Variants in PCDHA13 observed in about 807,000 individuals in gnomAD.
PCDHA13 encodes protocadherin alpha 13, also known as protocadherin alpha-13.
Under a neutral mutation model 64.8 loss-of-function variants are expected in PCDHA13, and 54 were observed. That is an observed-to-expected ratio of 0.83 (90% CI 0.67 to 1.04). PCDHA13 has a LOEUF of 1.04. PCDHA13 is among the 50% of genes least tolerant of loss of function. The probability of loss-of-function intolerance (pLI) is 0.00; values close to 1 mark genes in which losing one functional copy is unlikely to be tolerated. For missense variants in PCDHA13, 1,248 were observed against 1,254.3 expected (o/e 0.99, Z 0.08); for synonymous variants, 587 against 564.4 (o/e 1.04, Z -0.57).
At chr5:140,909,235 A>G (rs1554193708) in intron 1 of PCDHA13, among the ~76,000 whole-genome samples, 1 of 152,182 alleles carries the variant, frequency 6.6e-6, no homozygotes, top group African/African-American at 2.4e-5. Flanking sequence ...TAGGATGGTA[A>G]AGATATATTG....
At chr5:140,939,894 T>A (rs1554213013) in intron 1 of PCDHA13, among the ~76,000 whole-genome samples, 1 of 152,220 alleles carries the variant, frequency 6.6e-6, no homozygotes, top group African/African-American at 2.4e-5. Flanking sequence ...TGTTCAAATA[T>A]TCTGCATTCT....
chr5:141,001,253 C>G (rs896546841), intron 3 of PCDHA13, among the ~76,000 whole-genome samples: 1 of 152,078 alleles, frequency 6.6e-6, no homozygotes, highest in East Asian at 1.9e-4. Context: ...CCCTATGGGG[C>G]GGGCACTCTT....
chr5:140,950,040 C>T (rs1053592525), intron 1 of PCDHA13, among the ~76,000 whole-genome samples: 4 of 151,718 alleles, frequency 2.6e-5, no homozygotes, highest in Non-Finnish European at 5.9e-5. Flanking sequence ...AAGTTACAAC[C>T]ATATAAGACT....
At position 140,926,851 on chromosome 5, in the gene PCDHA13, T is replaced by C. The variant is rs201136210; in HGVS notation, c.2394+42189T>C. 6.6e-6 allele frequency: 10 copies of C among 1,517,220 alleles called. No individual in the cohort carries two copies. In the Admixed American group the frequency reaches 6.6e-5, roughly 10 times the overall value. The allele number at this position is 1,517,220 out of a possible 1,614,324, so 94.0% of individuals were successfully genotyped here. ...TCCGGAGCATGGTCCTGGGTCACCGTTGGTGTAGCGTGTTGGTGGAACGTG... is the reference window on the plus strand; with the variant it reads ...TCCGGAGCATGGTCCTGGGTCACCGCTGGTGTAGCGTGTTGGTGGAACGTG... On this transcript the variant is annotated intron_variant, in intron 1 of 3. Coordinates refer to ENST00000289272, the MANE Select transcript of PCDHA13 (RefSeq NM_018904.3).
intron 1 of PCDHA13, among the ~76,000 whole-genome samples, chr5:140,975,429 C>T (rs1006180121): frequency 2.6e-5 from 4 of 152,208 alleles, no homozygotes; most frequent in African/African-American, 9.6e-5. Flanking sequence ...AGGGTGTGCA[C>T]ACCAGGATAT....
At chr5:140,958,098 G>A (rs1170347696) in intron 1 of PCDHA13, among the ~76,000 whole-genome samples, 4 of 152,088 alleles carry the variant, frequency 2.6e-5, no homozygotes, top group South Asian at 2.1e-4. Context: ...ACAATAGTGT[G>A]TAGAGTGTGG....
chr5:141,000,418 T>TAA (rs2097924814), intron 3 of PCDHA13, among the ~76,000 whole-genome samples: 1 of 83,682 alleles, frequency 1.2e-5, no homozygotes, highest in Non-Finnish European at 2.2e-5. Context: ...TATATATATA[T>TAA]ATATTTTTTT....
intron 3 of PCDHA13, among the ~76,000 whole-genome samples, chr5:140,993,715 G>A (rs954129865): frequency 2.0e-5 from 3 of 152,060 alleles, no homozygotes; most frequent in Non-Finnish European, 4.4e-5. Flanking sequence ...TATTTTTACT[G>A]TACCTTTTCT....
intron 1 of PCDHA13, chr5:140,927,689 G>A (rs781972370): frequency 5.6e-6 from 9 of 1,614,064 alleles, no homozygotes; most frequent in African/African-American, 2.7e-5. Flanking sequence ...GGGTCCAATG[G>A]GGAAGTCCAG....
rs1582624652 is a variant in PCDHA13 at position 140,882,537 on chromosome 5, T to C, written c.269T>C (p.Ile90Thr). ...QNGILFVNSR[I>T]DREELCGRSA... ...GGCATTTTGTTTGTGAATTCTCGGA[T>C]CGACCGCGAGGAGCTGTGTGGGCGG... The change falls in exon 1 of 4, where the codon ATC (isoleucine) becomes ACC (threonine). Residue 90 changes from isoleucine to threonine, a missense_variant. Physicochemically the swap from Ile to Thr is moderately conservative, Grantham distance 89. Coordinates refer to ENST00000289272, the MANE Select transcript of PCDHA13 (RefSeq NM_018904.3). 1 of 1,614,176 alleles carries C rather than the reference T, an allele frequency of 6.2e-7. No individual in the cohort carries two copies. The highest frequency in any genetic ancestry group is 2.2e-5 in the East Asian group (1 of 44,880).
chr5:140,923,468 G>A (rs2081380588), intron 1 of PCDHA13, among the ~76,000 whole-genome samples: 1 of 152,098 alleles, frequency 6.6e-6, no homozygotes, highest in Admixed American at 6.5e-5. Context: ...GGTAGGGGCT[G>A]CAGTGAGCCA....
At chr5:140,926,519 C>T (rs2083298131) in intron 1 of PCDHA13, 1 of 204,364 alleles carries the variant, frequency 4.9e-6, no homozygotes, top group Non-Finnish European at 9.7e-6. Flanking sequence ...AGGCTCCGCC[C>T]TGCGCCCGCA....
At chr5:140,994,197 G>A (rs1449482897) in intron 3 of PCDHA13, among the ~76,000 whole-genome samples, 1 of 152,196 alleles carries the variant, frequency 6.6e-6, no homozygotes. Context: ...GGGCCTGTTG[G>A]TCCAGAATGG....
chr5:140,991,445 A>G (rs1352709310), intron 3 of PCDHA13, among the ~76,000 whole-genome samples: 1 of 152,222 alleles, frequency 6.6e-6, no homozygotes, highest in African/African-American at 2.4e-5. Flanking sequence ...CATGGCTTAA[A>G]ACAACACAAT....
intron 1 of PCDHA13, among the ~76,000 whole-genome samples, chr5:140,914,392 AC>A (rs1554196309): frequency 6.6e-6 from 1 of 151,928 alleles, no homozygotes; most frequent in Non-Finnish European, 1.5e-5. Flanking sequence ...AAGTGTAGTT[AC>A]CCCTGCTCCT....
At chr5:140,940,593 A>G (rs2092648765) in intron 1 of PCDHA13, among the ~76,000 whole-genome samples, 1 of 152,170 alleles carries the variant, frequency 6.6e-6, no homozygotes, top group Non-Finnish European at 1.5e-5. Flanking sequence ...GATTTCAGGC[A>G]TGAGCCGCTG....
chr5:140,908,967 G>A (rs1039870615), intron 1 of PCDHA13, among the ~76,000 whole-genome samples: 10 of 152,076 alleles, frequency 6.6e-5, no homozygotes, highest in African/African-American at 2.4e-4. Context: ...ATCTTGATAG[G>A]CCCCACTCCA....
intron 3 of PCDHA13, among the ~76,000 whole-genome samples, chr5:141,007,112 G>A (rs1554261059): frequency 6.6e-6 from 1 of 152,170 alleles, no homozygotes; most frequent in African/African-American, 2.4e-5. Flanking sequence ...ACCCAAGGAA[G>A]CTTCAACACA....
intron 3 of PCDHA13, among the ~76,000 whole-genome samples, chr5:140,982,882 C>CAGAGA (rs1353974224): frequency 6.6e-6 from 1 of 151,972 alleles, no homozygotes; most frequent in African/African-American, 2.4e-5. Context: ...CCAAGCCATG[C>CAGAGA]AGAGAAGATC....
Sources: gnomAD v4.1 joint callset for allele counts (sites outside exome capture counted in the v4.1 genomes callset) on GRCh38, gnomAD v4.1.1 for gene constraint, MANE v1.5 for transcripts, NCBI Gene and HGNC (gene_info 2026-07-23, HGNC 2026-07-21) for gene names.